The following C1orf94 variants were observed in gnomAD, a reference collection of about 807,000 sequenced individuals.
The protein encoded by C1orf94 is uncharacterized protein C1orf94.
In C1orf94, 45 loss-of-function variants were observed where a neutral mutation model predicts 53.6. The ratio of observed to expected loss-of-function variants is 0.84; its 90% CI spans 0.66 to 1.08. The LOEUF (loss-of-function observed/expected upper bound fraction) is 1.08, where lower values mean the gene tolerates loss of function less well. Ranked by LOEUF, C1orf94 falls within the 50% of genes least tolerant of loss-of-function variation. C1orf94 has a pLI of 0.00. For synonymous variants in C1orf94, 304 were observed against 296.1 expected, an observed-to-expected ratio of 1.03 and a Z score of -0.27; for missense variants, 762 against 738.9, an observed-to-expected ratio of 1.03 and a Z score of -0.36.
chr1:34,209,275 G>A lies in C1orf94; in HGVS notation c.1524+1041G>A, dbSNP rs74536476. On this transcript the variant is annotated intron_variant, in intron 5 of 6. Transcript: ENST00000488417. ...CTGCCTGAAAATAAAGCAGCAGAAAGAGAAATGCAAACACACACACACACA... is the reference window on the plus strand; with the variant it reads ...CTGCCTGAAAATAAAGCAGCAGAAAAAGAAATGCAAACACACACACACACA... Among the ~76,000 whole-genome samples the A allele has an allele frequency of 9.0e-3, 1,258 of 139,508 alleles. 21 individuals carry two copies. Among genetic ancestry groups the A allele is most frequent in the African/African-American group, 0.036 (1,176 of 32,682 alleles). 91.5% of individuals were successfully genotyped at this position (139,508 alleles called of 152,430 possible).
chr1:34,204,001 T>C (rs1039355695), intron 4 of C1orf94, among the ~76,000 whole-genome samples: 1 of 152,184 alleles, frequency 6.6e-6, no homozygotes, highest in Non-Finnish European at 1.5e-5. Flanking sequence ...TGTCATTGTA[T>C]GGGGAAGGGC....
chr1:34,188,447 T>TCCAGGCTTGGCA (rs1642421677), intron 1 of C1orf94, among the ~76,000 whole-genome samples: 1 of 152,126 alleles, frequency 6.6e-6, no homozygotes, highest in Admixed American at 6.5e-5. Context: ...AGCTGAGAGA[T>TCCAGGCTTGGCA]TTCACGGTGT....
intron 1 of C1orf94, among the ~76,000 whole-genome samples, chr1:34,181,424 C>A (rs1642310193): frequency 6.6e-6 from 1 of 152,216 alleles, no homozygotes; most frequent in South Asian, 2.1e-4. Context: ...ACCAATACTA[C>A]ACTCACTTTT....
chr1:34,215,904 G>A (rs1335553731), intron 6 of C1orf94, among the ~76,000 whole-genome samples: 1 of 152,194 alleles, frequency 6.6e-6, no homozygotes, highest in Non-Finnish European at 1.5e-5. Context: ...TACTCGGGAG[G>A]CTGAGGCAGG....
At chr1:34,185,326 TG>T (rs1393714127) in intron 1 of C1orf94, among the ~76,000 whole-genome samples, 2 of 152,078 alleles carry the variant, frequency 1.3e-5, no homozygotes, top group Non-Finnish European at 2.9e-5. Flanking sequence ...ATTACAGGCA[TG>T]CACCTCCATG....
upstream of C1orf94, among the ~76,000 whole-genome samples, chr1:34,173,832 T>C (rs776671719): frequency 4.6e-5 from 7 of 152,248 alleles, no homozygotes; most frequent in Non-Finnish European, 8.8e-5. Context: ...GACCATTAAA[T>C]GCTTCACTTT....
rs1409976900 is a variant in C1orf94 at position 34,177,318 on chromosome 1, C to A, written c.-472C>A. ...GCGAGCGCCTCCTGCGGGGCCCCGC[C>A]CCCCGAGTGCCTACAATGGTGCCAG... On this transcript the variant is annotated 5_prime_UTR_variant, in exon 1 of 7. Coordinates refer to ENST00000488417, the MANE Select transcript of C1orf94 (RefSeq NM_001134734.2). 2.6e-5 allele frequency among the ~76,000 whole-genome samples: 4 copies of A among 152,126 alleles called. No individual in the cohort carries two copies. The highest frequency in any genetic ancestry group is 9.6e-5 in the African/African-American group (4 of 41,454).
At position 34,177,137 on chromosome 1, in the gene C1orf94, C is replaced by A. The variant is rs565808399; in HGVS notation, c.-653C>A. Among the ~76,000 whole-genome samples the A allele has an allele frequency of 6.6e-6, 1 of 152,356 alleles. No homozygotes were observed. Among genetic ancestry groups the A allele is most frequent in the African/African-American group, 2.4e-5 (1 of 41,586 alleles). ...CGGGGACTAAGGGCTGTGGGCCCAT[C>A]CACACACGCCTCATCCCTTCTTTCC... On this transcript the variant is annotated 5_prime_UTR_variant, in exon 1 of 7. Coordinates refer to ENST00000488417, the MANE Select transcript of C1orf94 (RefSeq NM_001134734.2).
At position 34,212,358 on chromosome 1, in the gene C1orf94, C is replaced by A. The variant is rs747669743; in HGVS notation, c.1673C>A (p.Pro558His). Reference sequence around the variant, plus strand: ...ATGTCTGCCAACCCCCGAGACCCTCCCCTAATGGCAGGAGATGGACCGCAG... The same window carrying A: ...ATGTCTGCCAACCCCCGAGACCCTCACCTAATGGCAGGAGATGGACCGCAG... Reference protein sequence around the residue: ...PKMSANPRDPPLMAGDGPQYL... With the variant: ...PKMSANPRDPHLMAGDGPQYL... Residue 558 changes from proline (P) to histidine (H), a missense_variant, in exon 6 of 7, where the codon CCC becomes CAC. Pro to His is a moderately conservative substitution (Grantham distance 77, BLOSUM62 -2). Coordinates refer to ENST00000488417, the MANE Select transcript of C1orf94 (RefSeq NM_001134734.2). The A allele has an allele frequency of 3.7e-6, 6 of 1,613,648 alleles. No individual in the cohort carries two copies. Among genetic ancestry groups the A allele is most frequent in the Non-Finnish European group, 5.1e-6 (6 of 1,179,814 alleles).
At chr1:34,205,791 A>T (rs1317371970) in intron 4 of C1orf94, among the ~76,000 whole-genome samples, 1 of 152,166 alleles carries the variant, frequency 6.6e-6, no homozygotes. Context: ...CAATTTACTC[A>T]GAGCTCTGTG....
Position 34,212,255 on chromosome 1 carries a change from T to A in C1orf94, c.1570T>A (p.Ser524Thr). 2 of 1,613,392 alleles carry A rather than the reference T, an allele frequency of 1.2e-6. No individual in the cohort carries two copies. Among genetic ancestry groups the A allele is most frequent in the Non-Finnish European group, 8.5e-7 (1 of 1,179,768 alleles). Residue 524 changes from serine (S) to threonine (T), a missense_variant, in exon 6 of 7, where the codon TCT becomes ACT. Transcript: ENST00000488417. ...GCAGATGGGACAGCAGATCTTCCGC[T>A]CTTCCTACACCCCTCTGCTGAGCTA... ...PQQMGQQIFR[S>T]SYTPLLSYIP...
chr1:34,212,052 A>G (rs994065430), intron 5 of C1orf94, among the ~76,000 whole-genome samples, 158 bp from the exon 6 acceptor site: 1 of 152,032 alleles, frequency 6.6e-6, no homozygotes, highest in Admixed American at 6.6e-5. Context: ...GGCTCACTAC[A>G]TAAGTTGAGC....
chr1:34,212,753 G>A (rs896623259), intron 6 of C1orf94, among the ~76,000 whole-genome samples: 2 of 152,158 alleles, frequency 1.3e-5, no homozygotes, highest in Non-Finnish European at 2.9e-5. Context: ...AACAGGACAT[G>A]GCCAGCTAAT....
intron 6 of C1orf94, among the ~76,000 whole-genome samples, chr1:34,216,469 G>A (rs1642990281): frequency 6.6e-6 from 1 of 152,178 alleles, no homozygotes; most frequent in Non-Finnish European, 1.5e-5. Flanking sequence ...TGAACAAAGT[G>A]CTGGTGTTGG....
chr1:34,194,695 C>T (rs1642552035), intron 1 of C1orf94, among the ~76,000 whole-genome samples: 1 of 152,098 alleles, frequency 6.6e-6, no homozygotes, highest in Non-Finnish European at 1.5e-5. Flanking sequence ...AAGGCATTCC[C>T]CGGCATAATT....
At chr1:34,174,584 A>G (rs1380376852), upstream of C1orf94, among the ~76,000 whole-genome samples, 1 of 152,178 alleles carries the variant, frequency 6.6e-6, no homozygotes, top group Non-Finnish European at 1.5e-5. Flanking sequence ...CCTTTAAAGG[A>G]GTGATTAGGA....
At chr1:34,196,261 G>T (rs1642578006) in intron 1 of C1orf94, among the ~76,000 whole-genome samples, 1 of 152,190 alleles carries the variant, frequency 6.6e-6, no homozygotes, top group Non-Finnish European at 1.5e-5. Flanking sequence ...GAGCCTAAAA[G>T]CCAGGAGACC....
intron 6 of C1orf94, among the ~76,000 whole-genome samples, chr1:34,217,515 G>A (rs906517778): frequency 3.9e-5 from 6 of 152,170 alleles, no homozygotes; most frequent in Non-Finnish European, 7.3e-5. Flanking sequence ...CAGAGGTGGG[G>A]TTACCGCTGG....
chr1:34,185,021 A>T (rs548382252), intron 1 of C1orf94, among the ~76,000 whole-genome samples: 20 of 152,062 alleles, frequency 1.3e-4, no homozygotes, highest in Non-Finnish European at 2.9e-4. Context: ...AAAATCTGAG[A>T]AAAAGCTTCT....
Sources: allele counts gnomAD v4.1 joint callset (sites outside exome capture counted in the v4.1 genomes callset), GRCh38; gene constraint gnomAD v4.1.1; transcripts MANE v1.5; gene names NCBI Gene and HGNC (gene_info 2026-07-23, HGNC 2026-07-21).